ASIC2: variants seen among roughly 807,000 people sequenced by gnomAD.
ASIC2 encodes the protein acid sensing ion channel subunit 2, also known as acid-sensing ion channel 2.
In ASIC2, 25 loss-of-function variants were observed where a neutral mutation model predicts 57.3. That is an observed-to-expected ratio of 0.44 (90% CI 0.32 to 0.61). The LOEUF (loss-of-function observed/expected upper bound fraction) is 0.61, where lower values mean the gene tolerates loss of function less well. Ranked by LOEUF, ASIC2 falls within the 20% of genes least tolerant of loss-of-function variation. The probability of loss-of-function intolerance (pLI) is 0.06; values close to 1 mark genes in which losing one functional copy is unlikely to be tolerated. For missense variants in ASIC2, 641 were observed against 738.1 expected (o/e 0.87, Z 1.52); for synonymous variants, 319 against 307.5 (o/e 1.04, Z -0.39).
At chr17:33,215,945 C>T (rs1458443303) in intron 1 of ASIC2, among the ~76,000 whole-genome samples, 4 of 152,108 alleles carry the variant, frequency 2.6e-5, no homozygotes, top group Admixed American at 6.5e-5. Context: ...GTGATCCGCC[C>T]GCCTCGGCCT....
rs139624792 is a variant in ASIC2, at chr17:33,101,458, A to G, written c.859+10459T>C. Among the ~76,000 whole-genome samples the G allele has an allele frequency of 1.5e-4, 23 of 152,316 alleles. No homozygotes were observed. In the East Asian group the frequency reaches 4.4e-3, roughly 29 times the overall value. ...TTCCTACCCCCGAGTCCTACTTCTCAGAAGCAACAACTTTCAACTGTTTTA... is the reference window on the plus strand; with the variant it reads ...TTCCTACCCCCGAGTCCTACTTCTCGGAAGCAACAACTTTCAACTGTTTTA... On this transcript the variant is annotated intron_variant, in intron 2 of 9. Transcript: ENST00000225823.
At chr17:33,529,158 A>G (rs2141959677) in intron 1 of ASIC2, among the ~76,000 whole-genome samples, 1 of 152,328 alleles carries the variant, frequency 6.6e-6, no homozygotes, top group East Asian at 1.9e-4. Context: ...TTTGGACTAA[A>G]TTTTTAAGAC....
At chr17:33,698,700 T>A (rs934107546) in intron 1 of ASIC2, among the ~76,000 whole-genome samples, 1 of 152,088 alleles carries the variant, frequency 6.6e-6, no homozygotes, top group African/African-American at 2.4e-5. Context: ...ATGTGCAAAG[T>A]CTTTGAAAAC....
At chr17:33,999,990 C>G (rs190605773) in intron 1 of ASIC2, among the ~76,000 whole-genome samples, 4 of 151,630 alleles carry the variant, frequency 2.6e-5, no homozygotes, top group Admixed American at 2.6e-4. Context: ...GTCTTTATCT[C>G]CCCTTCATTT....
At chr17:33,779,257 A>AT (rs1254339841) in intron 1 of ASIC2, among the ~76,000 whole-genome samples, 1 of 152,066 alleles carries the variant, frequency 6.6e-6, no homozygotes, top group Non-Finnish European at 1.5e-5. Flanking sequence ...TAAAAAAAAG[A>AT]TTAACTCTGC....
chr17:33,579,329 G>C (rs1916791306), intron 1 of ASIC2, among the ~76,000 whole-genome samples: 1 of 149,920 alleles, frequency 6.7e-6, no homozygotes, highest in Non-Finnish European at 1.5e-5. Context: ...TCAGATGTTG[G>C]CTCAGGGCAC....
intron 1 of ASIC2, among the ~76,000 whole-genome samples, chr17:34,132,757 T>A (rs1001119606): frequency 6.6e-6 from 1 of 152,192 alleles, no homozygotes; most frequent in African/African-American, 2.4e-5. Context: ...ACAACTACCT[T>A]CCCTACCACT....
chr17:33,560,301 TC>T (rs1236291463), intron 1 of ASIC2, among the ~76,000 whole-genome samples: 1 of 152,198 alleles, frequency 6.6e-6, no homozygotes, highest in African/African-American at 2.4e-5. Flanking sequence ...GTTGACGTCC[TC>T]CCTGATCAGA....
intron 1 of ASIC2, among the ~76,000 whole-genome samples, chr17:33,320,872 A>G (rs554538853): frequency 2.0e-5 from 3 of 152,292 alleles, no homozygotes; most frequent in South Asian, 4.1e-4. Context: ...TGGGTGTCAT[A>G]AAGTGCTTGC....
At chr17:33,518,679 A>G (rs1319949150) in intron 1 of ASIC2, among the ~76,000 whole-genome samples, 6 of 152,238 alleles carry the variant, frequency 3.9e-5, no homozygotes, top group Non-Finnish European at 8.8e-5. Context: ...AGTGAATACA[A>G]TGTTACTGCC....
chr17:33,672,281 C>T (rs562685505), intron 1 of ASIC2, among the ~76,000 whole-genome samples: 1 of 152,286 alleles, frequency 6.6e-6, no homozygotes, highest in African/African-American at 2.4e-5. Flanking sequence ...CATGTGGCTG[C>T]TCTACTACAG....
chr17:33,804,762 T>G (rs1912223666), intron 1 of ASIC2, among the ~76,000 whole-genome samples: 1 of 152,264 alleles, frequency 6.6e-6, no homozygotes, highest in Admixed American at 6.5e-5. Flanking sequence ...ATCAGTCTCC[T>G]GGATTTGGGA....
Position 34,036,678 on chromosome 17 carries a change from TTG to T in ASIC2, c.555+119298_555+119299del, listed in dbSNP as rs1491067684. The stretch of plus-strand genomic sequence containing the variant: ...TGTATACTATATTGATACTTTGAAT[TTG>T]TTTTTTTTTTTTTTTTTTTTTTTTG... On this transcript the variant is annotated intron_variant, in intron 1 of 9. Coordinates refer to the ASIC2 transcript ENST00000359872. 91 of 86,356 alleles carry T rather than the reference TTG, an allele frequency of 1.1e-3. 1 individual carries two copies. Among genetic ancestry groups the T allele is most frequent in the African/African-American group, 6.3e-3 (62 of 9,794 alleles). 5.3% of individuals were successfully genotyped at this position (86,356 alleles called of 1,614,324 possible). A position where few individuals can be genotyped will look rare whatever the true frequency, so the allele number is the denominator to read the frequency against.
chr17:33,712,790 C>T (rs890809835), intron 1 of ASIC2, among the ~76,000 whole-genome samples: 39 of 150,094 alleles, frequency 2.6e-4, no homozygotes, highest in Middle Eastern at 3.4e-3. Context: ...GGACTACAGG[C>T]GCCCGCCACT....
At chr17:33,557,069 G>T (rs920258528) in intron 1 of ASIC2, among the ~76,000 whole-genome samples, 2 of 152,166 alleles carry the variant, frequency 1.3e-5, no homozygotes, top group African/African-American at 4.8e-5. Flanking sequence ...AGTATTTGTG[G>T]AGCATCTTAA....
intron 1 of ASIC2, among the ~76,000 whole-genome samples, chr17:33,637,850 A>C (rs1041320000): frequency 5.3e-5 from 8 of 152,150 alleles, no homozygotes; most frequent in Admixed American, 2.0e-4. Flanking sequence ...TGTAGTTATC[A>C]CTCAAATAAG....
chr17:34,005,896 TC>T (rs1906509569), intron 1 of ASIC2: 1 of 152,310 alleles, frequency 6.6e-6, no homozygotes, highest in African/African-American at 2.4e-5. Flanking sequence ...GCAAAGACCT[TC>T]ATCTGAGTCA....
At position 33,613,350 on chromosome 17, in the gene ASIC2, G is replaced by A. The variant is rs148713052; in HGVS notation, c.556-501283C>T. 8.0e-3 allele frequency among the ~76,000 whole-genome samples: 1,210 copies of A among 150,848 alleles called. 22 individuals carry two copies. Among genetic ancestry groups the A allele is most frequent in the African/African-American group, 0.027 (1,114 of 41,104 alleles). ...TGAACCGTTCCTTGCATTTTCTTTG[G>A]GGAAAAAGAATGTGTATTCTTTTTT... On this transcript the variant is annotated intron_variant, in intron 1 of 9. Coordinates refer to the ASIC2 transcript ENST00000359872.
At chr17:33,554,890 C>T (rs7215217) in intron 1 of ASIC2, among the ~76,000 whole-genome samples, 16,331 of 152,024 alleles carry the variant, frequency 0.11, 2,327 homozygotes, top group African/African-American at 0.33. Flanking sequence ...CTCCCAGCCA[C>T]ACTAGACCAT....
Sources: gnomAD v4.1 joint callset for allele counts (sites outside exome capture counted in the v4.1 genomes callset) on GRCh38, gnomAD v4.1.1 for gene constraint, MANE v1.5 for transcripts, NCBI Gene and HGNC (gene_info 2026-07-23, HGNC 2026-07-21) for gene names.